TRDN: variants seen among roughly 807,000 people sequenced by gnomAD.
TRDN encodes the protein triadin.
In TRDN, 161 loss-of-function variants were observed where a neutral mutation model predicts 149.7. The ratio of observed to expected loss-of-function variants is 1.08; its 90% confidence interval spans 0.95 to 1.23. TRDN has a LOEUF of 1.23. TRDN is among the 50% of genes most tolerant of loss of function. The pLI, the probability that TRDN is intolerant of heterozygous loss-of-function variation, is 0.00. For missense variants in TRDN, 896 were observed against 823.5 expected (o/e 1.09, Z -1.08); for synonymous variants, 294 against 250.5 (o/e 1.17, Z -1.64).
In TRDN at chr6:123,463,340, GA is replaced by G. The variant is rs757396311; in HGVS notation, c.931+1565del. 1.4e-3 allele frequency among the ~76,000 whole-genome samples: 163 copies of G among 119,832 alleles called. 2 individuals carry two copies. The highest frequency in any genetic ancestry group is 4.4e-3 in the Middle Eastern group (1 of 226). 78.6% of individuals were successfully genotyped at this position (119,832 alleles called of 152,430 possible). A position where few individuals can be genotyped will look rare whatever the true frequency, so the allele number is the denominator to read the frequency against. ...GCAGCAGAGCAAGACTCCGTCTCAA[GA>G]AAAAAAAAAAATAAATAATAAATAA... is the stretch of plus-strand genomic sequence containing the variant. On this transcript the variant is annotated intron_variant, in intron 10 of 40. Coordinates refer to ENST00000334268, the MANE Select transcript of TRDN (RefSeq NM_006073.4).
chr6:123,621,138 T>C (rs1165811188), intron 1 of TRDN, among the ~76,000 whole-genome samples: 1 of 152,152 alleles, frequency 6.6e-6, no homozygotes, highest in Non-Finnish European at 1.5e-5. Context: ...TGTCAATTTT[T>C]ACATTGCTGC....
chr6:123,322,613 T>TTTATTATTA (rs139658634), intron 23 of TRDN, among the ~76,000 whole-genome samples: 1,923 of 140,926 alleles, frequency 0.014, 17 homozygotes, highest in South Asian at 0.027. Context: ...TTTTTTAAAA[T>TTTATTATTA]TTATTATTAT....
chr6:123,405,184 A>T (rs1243128523), intron 12 of TRDN, among the ~76,000 whole-genome samples: 1 of 152,228 alleles, frequency 6.6e-6, no homozygotes, highest in Non-Finnish European at 1.5e-5. Flanking sequence ...CCATGCTTAT[A>T]TGCACAAATA....
chr6:123,605,584 G>A (rs1406016950), intron 1 of TRDN, among the ~76,000 whole-genome samples: 1 of 130,378 alleles, frequency 7.7e-6, no homozygotes, highest in Admixed American at 7.6e-5. Context: ...GCAATATGGC[G>A]AAACCCTCTC....
At chr6:123,328,427 T>A (rs1779541587) in intron 23 of TRDN, among the ~76,000 whole-genome samples, 1 of 152,308 alleles carries the variant, frequency 6.6e-6, no homozygotes, top group African/African-American at 2.4e-5. Flanking sequence ...TTCATATGAT[T>A]TGGAATTTCA....
intron 38 of TRDN, among the ~76,000 whole-genome samples, chr6:123,238,320 A>G (rs778769474): frequency 5.3e-5 from 8 of 152,192 alleles, no homozygotes; most frequent in Non-Finnish European, 1.0e-4. Context: ...GTAAGTCAAG[A>G]TTAGATGTGT....
intron 4 of TRDN, among the ~76,000 whole-genome samples, chr6:123,537,731 G>T (rs964793732): frequency 4.6e-5 from 7 of 152,178 alleles, no homozygotes; most frequent in Non-Finnish European, 1.0e-4. Flanking sequence ...AAAATGAGAA[G>T]GCTGGTAGTA....
chr6:123,270,593 T>A (rs1777173367), intron 30 of TRDN, among the ~76,000 whole-genome samples: 1 of 151,982 alleles, frequency 6.6e-6, no homozygotes, highest in Admixed American at 6.6e-5. Flanking sequence ...GAAAAACTTC[T>A]GAATTGCAAG....
At chr6:123,617,213 C>T (rs144447479) in intron 1 of TRDN, among the ~76,000 whole-genome samples, 176 of 152,140 alleles carry the variant, frequency 1.2e-3, no homozygotes, top group African/African-American at 4.1e-3. Context: ...ATACCCATTC[C>T]AAAGTAGGGC....
In TRDN at chr6:123,561,039, G is replaced by A. The variant is rs188124679; in HGVS notation, c.232+9884C>T. Among the ~76,000 whole-genome samples the A allele has an allele frequency of 2.0e-3, 308 of 152,210 alleles. 5 individuals carry two copies. The highest frequency in any genetic ancestry group is 6.9e-3 in the African/African-American group (287 of 41,540). ...CAAATTGACTTTACTCACATGCCCC[G>A]AGTCAGAAAACTAAAATAACTCTTG... is the stretch of plus-strand genomic sequence containing the variant. On this transcript the variant is annotated intron_variant, in intron 2 of 40. Transcript: ENST00000334268.
At chr6:123,636,327 C>T (rs1000279095) in intron 1 of TRDN, among the ~76,000 whole-genome samples, 3 of 151,930 alleles carry the variant, frequency 2.0e-5, no homozygotes, top group African/African-American at 7.2e-5. Context: ...CTTCAAATTA[C>T]TTTTTAAGTT....
intron 20 of TRDN, among the ~76,000 whole-genome samples, chr6:123,364,315 A>G (rs1781008020): frequency 1.3e-5 from 2 of 152,178 alleles, no homozygotes; most frequent in South Asian, 4.1e-4. Flanking sequence ...TGTCTTCCAC[A>G]AACATGGATT....
intron 1 of TRDN, among the ~76,000 whole-genome samples, chr6:123,633,062 C>T (rs1450488517): frequency 6.6e-6 from 1 of 152,038 alleles, no homozygotes; most frequent in Non-Finnish European, 1.5e-5. Flanking sequence ...TAATTCTTCT[C>T]CTGAAGCCTG....
At chr6:123,452,825 C>T (rs192355453) in intron 10 of TRDN, among the ~76,000 whole-genome samples, 39 of 152,114 alleles carry the variant, frequency 2.6e-4, no homozygotes, top group African/African-American at 8.2e-4. Flanking sequence ...CAAATCTGGA[C>T]GCATCACACT....
intron 6 of TRDN, among the ~76,000 whole-genome samples, chr6:123,514,785 C>T (rs1450141660): frequency 6.6e-6 from 1 of 151,930 alleles, no homozygotes; most frequent in Non-Finnish European, 1.5e-5. Flanking sequence ...TTTGCAGAGA[C>T]ATGGATGAAG....
chr6:123,503,567 A>G, intron 8 of TRDN, 152 bp downstream of exon 8: 1 of 1,443,460 alleles, frequency 6.9e-7, no homozygotes. Context: ...TTCCCAATTT[A>G]CTGTATTTCT....
chr6:123,387,092 T>A (rs1204169684), intron 14 of TRDN, among the ~76,000 whole-genome samples: 1 of 152,200 alleles, frequency 6.6e-6, no homozygotes, highest in African/African-American at 2.4e-5. Context: ...ATATTTTAAA[T>A]AGGTTATGAC....
At chr6:123,434,713 G>T (rs1774481202) in intron 12 of TRDN, among the ~76,000 whole-genome samples, 1 of 151,814 alleles carries the variant, frequency 6.6e-6, no homozygotes. Flanking sequence ...TTTTTTCATG[G>T]TATTTCTTCA....
At chr6:123,526,883 C>T (rs1779977331) in intron 5 of TRDN, among the ~76,000 whole-genome samples, 2 of 151,828 alleles carry the variant, frequency 1.3e-5, no homozygotes, top group Admixed American at 1.3e-4. Context: ...GACTCTCATC[C>T]AGTTAGAGGT....
Sources: allele counts gnomAD v4.1 joint callset (sites outside exome capture counted in the v4.1 genomes callset), GRCh38; gene constraint gnomAD v4.1.1; transcripts MANE v1.5; gene names NCBI Gene and HGNC (gene_info 2026-07-23, HGNC 2026-07-21).